Variants in CNGB1 observed in about 807,000 individuals in gnomAD.
The protein encoded by CNGB1 is cyclic nucleotide-gated channel beta-1.
Under a neutral mutation model 151.7 loss-of-function variants are expected in CNGB1, and 126 were observed. The observed-to-expected ratio is 0.83, with a 90% CI of 0.72 to 0.96. The LOEUF is 0.96. Ranked by LOEUF, CNGB1 falls within the 40% of genes least tolerant of loss-of-function variation. The pLI, the probability that CNGB1 is intolerant of heterozygous loss-of-function variation, is 0.00. For synonymous variants in CNGB1, 623 were observed against 635.1 expected (o/e 0.98, Z 0.29); for missense variants, 1,698 against 1,627.0 (o/e 1.04, Z -0.75).
intron 16 of CNGB1, among the ~76,000 whole-genome samples, chr16:57,933,275 CTCCAA>C (rs573449931): frequency 2.0e-3 from 305 of 152,336 alleles, no homozygotes; most frequent in Non-Finnish European, 3.3e-3. Flanking sequence ...TGCAGGGTCC[CTCCAA>C]TCAAGGGTAA....
intron 4 of CNGB1, 74 bp downstream of exon 4, chr16:57,964,056 C>G: frequency 7.0e-7 from 1 of 1,438,740 alleles, no homozygotes; most frequent in Non-Finnish European, 9.7e-7. Context: ...CCACCCCCAT[C>G]CCCAGGGCTC....
chr16:57,940,294 C>T lies in CNGB1; in HGVS notation c.1149G>A (p.Ser383=), dbSNP rs775050027. 4.4e-6 allele frequency: 7 copies of T among 1,583,350 alleles called. No homozygotes were observed. Among genetic ancestry groups the T allele is most frequent in the East Asian group, 2.3e-5 (1 of 43,744 alleles). The change falls in exon 15 of 33, where the codon TCG becomes TCA. Residue 383 remains serine (S), a synonymous_variant. Coordinates refer to ENST00000251102, the MANE Select transcript of CNGB1 (RefSeq NM_001297.5). ...TEVLLDSCVV[S]QVGVGQSEED... is the part of the protein sequence containing the mutation. Reference sequence around the variant, plus strand: ...CTTCACTCTGGCCCACGCCCACCTGCGACACCACACAGCTATCCAGCAGCA... The same window carrying T: ...CTTCACTCTGGCCCACGCCCACCTGTGACACCACACAGCTATCCAGCAGCA...
intron 18 of CNGB1, among the ~76,000 whole-genome samples, chr16:57,922,671 C>T (rs965208311): frequency 2.6e-5 from 4 of 151,900 alleles, no homozygotes; most frequent in African/African-American, 4.8e-5. Flanking sequence ...TCAGGTGATC[C>T]GCCCACCTCA....
chr16:57,903,030 G>A (rs1218022735), intron 27 of CNGB1, among the ~76,000 whole-genome samples: 1 of 152,086 alleles, frequency 6.6e-6, no homozygotes, highest in Non-Finnish European at 1.5e-5. Flanking sequence ...ACCTGGCTGT[G>A]GAGCTCTAGA....
At chr16:57,909,804 G>T (rs1158755036) in intron 25 of CNGB1, among the ~76,000 whole-genome samples, 3 of 152,114 alleles carry the variant, frequency 2.0e-5, no homozygotes, top group Admixed American at 2.0e-4. Context: ...CCTTTTCATC[G>T]AGGCAGTTAG....
rs190910346 is a variant in CNGB1 at position 57,919,088 on chromosome 16, C to T, written c.1957+11G>A. The T allele has an allele frequency of 3.4e-4, 554 of 1,614,196 alleles. 1 individual carries two copies. In the African/African-American group the frequency reaches 5.7e-3, roughly 17 times the overall value. ...CTTACACAGTGGGAACACCCATTCCCCAGGACTCACTGGTCAGCGGGTCAA... is the reference window on the plus strand; with the variant it reads ...CTTACACAGTGGGAACACCCATTCCTCAGGACTCACTGGTCAGCGGGTCAA... On this transcript the variant is annotated intron_variant, in intron 20 of 32. Transcript: ENST00000251102.
chr16:57,964,385 C>A, intron 3 of CNGB1, 102 bp downstream of exon 3: 1 of 1,478,096 alleles, frequency 6.8e-7, no homozygotes. Context: ...TCAGTTTCCT[C>A]ATCTGTGAAA....
intron 29 of CNGB1, among the ~76,000 whole-genome samples, chr16:57,898,384 CTT>C (rs68119010): frequency 6.8e-6 from 1 of 146,814 alleles, no homozygotes; most frequent in African/African-American, 2.5e-5. Flanking sequence ...TTCAAATTGC[CTT>C]TTTTTTTTTG....
At chr16:57,946,969 G>C (rs1298484856) in intron 14 of CNGB1, among the ~76,000 whole-genome samples, 1 of 152,270 alleles carries the variant, frequency 6.6e-6, no homozygotes, top group Non-Finnish European at 1.5e-5. Context: ...TCACGTGGAT[G>C]TGTGCAAGTA....
intron 16 of CNGB1, among the ~76,000 whole-genome samples, chr16:57,935,070 C>A (rs1018607197): frequency 6.6e-6 from 1 of 151,714 alleles, no homozygotes. Flanking sequence ...AAAGTTACAC[C>A]CTCTTTTAGT....
chr16:57,947,055 G>A (rs1461861452), intron 14 of CNGB1, among the ~76,000 whole-genome samples: 1 of 152,246 alleles, frequency 6.6e-6, no homozygotes, highest in Non-Finnish European at 1.5e-5. Context: ...CATATATGAA[G>A]CATGTGTGTG....
intron 29 of CNGB1, among the ~76,000 whole-genome samples, chr16:57,899,883 C>T (rs752676125): frequency 6.6e-6 from 1 of 152,176 alleles, no homozygotes; most frequent in East Asian, 1.9e-4. Context: ...AGATCGCTGC[C>T]GAGCAAAACC....
Position 57,901,714 on chromosome 16 carries a change from C to T in CNGB1, c.2795-89G>A. On this transcript the variant is annotated intron_variant, in intron 27 of 32. Coordinates refer to ENST00000251102, the MANE Select transcript of CNGB1 (RefSeq NM_001297.5). Reference sequence around the variant, plus strand: ...GCCAAGTGCCCACCTACTGGCTCACCAGGGCACACCATTGCCCTGCCGCAT... The same window carrying T: ...GCCAAGTGCCCACCTACTGGCTCACTAGGGCACACCATTGCCCTGCCGCAT... The T allele has an allele frequency of 4.0e-6, 4 of 1,002,928 alleles. No homozygotes were observed. In the South Asian group the frequency reaches 5.3e-5, roughly 13 times the overall value. 62.1% of individuals were successfully genotyped at this position (1,002,928 alleles called of 1,614,324 possible). A position where few individuals can be genotyped will look rare whatever the true frequency, so the allele number is the denominator to read the frequency against.
intron 19 of CNGB1, among the ~76,000 whole-genome samples, 194 bp from the exon 20 acceptor site, chr16:57,919,448 C>T (rs563062890): frequency 3.0e-4 from 45 of 152,320 alleles, no homozygotes; most frequent in Middle Eastern, 3.4e-3. Context: ...TCCTCAACAG[C>T]AACAGCAACC....
intron 18 of CNGB1, among the ~76,000 whole-genome samples, chr16:57,921,177 T>G (rs247063): frequency 0.26 from 38,663 of 149,096 alleles, 6,257 homozygotes; most frequent in East Asian, 0.44. Flanking sequence ...CTACTCTTTT[T>G]GAGCTCAACT....
Position 57,950,482 on chromosome 16 carries a change from C to A in CNGB1, c.933G>T (p.Pro311=). Residue 311 remains proline (P), a synonymous_variant, in exon 13 of 33, where the codon CCG becomes CCT. Coordinates refer to ENST00000251102, the MANE Select transcript of CNGB1 (RefSeq NM_001297.5). ...CATCCTGGTGGGCATCCTCCCAGGG[C>A]GGTTCAACCTCCTCTAGGACAAGGT... The part of the protein sequence containing the change: ...EPDLVLEEVE[P]PWEDAHQDVS... The A allele has an allele frequency of 6.2e-7, 1 of 1,614,224 alleles. No homozygotes were observed. The highest frequency in any genetic ancestry group is 8.5e-7 in the Non-Finnish European group (1 of 1,180,020).
intron 16 of CNGB1, among the ~76,000 whole-genome samples, chr16:57,938,637 G>C (rs1191772231): frequency 6.6e-6 from 1 of 151,446 alleles, no homozygotes; most frequent in Non-Finnish European, 1.5e-5. Context: ...ATGCAGGTCT[G>C]TGCCTTGACC....
At chr16:57,908,468 G>A (rs535923624) in intron 25 of CNGB1, among the ~76,000 whole-genome samples, 3 of 152,344 alleles carry the variant, frequency 2.0e-5, no homozygotes, top group Admixed American at 6.5e-5. Flanking sequence ...GTAACTCCCC[G>A]CTGGACCTTT....
rs1347039751 is a variant in CNGB1 at position 57,883,750 on chromosome 16, G to C, written c.*414C>G. 3.7e-6 allele frequency: 1 copy of C among 270,808 alleles called. No homozygotes were observed. The highest frequency in any genetic ancestry group is 7.2e-6 in the Non-Finnish European group (1 of 139,438). The allele number at this position is 270,808 out of a possible 1,614,324, so 16.8% of individuals were successfully genotyped here. A position where few individuals can be genotyped will look rare whatever the true frequency, so the allele number is the denominator to read the frequency against. On this transcript the variant is annotated 3_prime_UTR_variant, in exon 33 of 33. Transcript: ENST00000251102. ...TATTTTCTATCCTTGAAATGTGTTAGACAAATTCCTGAGGGGAAACCCCAC... is the reference window on the plus strand; with the variant it reads ...TATTTTCTATCCTTGAAATGTGTTACACAAATTCCTGAGGGGAAACCCCAC...
Sources: allele counts gnomAD v4.1 joint callset (sites outside exome capture counted in the v4.1 genomes callset), GRCh38; gene constraint gnomAD v4.1.1; transcripts MANE v1.5; gene names NCBI Gene and HGNC (gene_info 2026-07-23, HGNC 2026-07-21).